STK3: variants seen among roughly 807,000 people sequenced by gnomAD.
STK3 encodes the protein serine/threonine-protein kinase 3.
In STK3, 41 loss-of-function variants were observed where a neutral mutation model predicts 58.0. The ratio of observed to expected loss-of-function variants is 0.71; its 90% CI spans 0.55 to 0.92. STK3 has a LOEUF of 0.92. Among genes scored for constraint, STK3 ranks in the 40% least tolerant of loss-of-function variants. The pLI, the probability that STK3 is intolerant of heterozygous loss-of-function variation, is 0.00. For missense variants in STK3, 479 were observed against 602.7 expected (o/e 0.79, Z 2.15); for synonymous variants, 170 against 191.0 (o/e 0.89, Z 0.91).
chr8:98,771,123 T>C (rs1587572272), intron 2 of STK3, among the ~76,000 whole-genome samples: 1 of 152,222 alleles, frequency 6.6e-6, no homozygotes, highest in Admixed American at 6.5e-5. Flanking sequence ...TTCCAAAATA[T>C]ATAGAATCTG....
chr8:98,370,517 GGT>G (rs1483597362), downstream of STK3, among the ~76,000 whole-genome samples: 1 of 152,062 alleles, frequency 6.6e-6, no homozygotes, highest in Non-Finnish European at 1.5e-5. Flanking sequence ...AGGACTGGGT[GGT>G]AGCTCCATAG....
In STK3 at chr8:98,558,788, C is replaced by T. The variant is rs555017146; in HGVS notation, c.949-10627G>A. On this transcript the variant is annotated intron_variant, in intron 8 of 10. Transcript: ENST00000419617. ...TTCTTTTTGGTTTGTTGGTAGTAAA[C>T]AGAAATTTTAATACATAAATTGTAT... 3.3e-5 allele frequency among the ~76,000 whole-genome samples: 5 copies of T among 151,802 alleles called. No individual in the cohort carries two copies. The South Asian group carries it at 6.2e-4, about 19-fold the overall frequency.
intron 6 of STK3, among the ~76,000 whole-genome samples, chr8:98,687,509 C>T (rs951842254): frequency 3.3e-5 from 5 of 152,130 alleles, no homozygotes; most frequent in African/African-American, 4.8e-5. Context: ...GTTCATGGAC[C>T]GGTACCAGTC....
At chr8:98,686,162 C>G (rs537692239) in intron 6 of STK3, among the ~76,000 whole-genome samples, 1 of 152,208 alleles carries the variant, frequency 6.6e-6, no homozygotes, top group African/African-American at 2.4e-5. Context: ...GCTGTGCTTA[C>G]TACTACTTCC....
chr8:98,357,900 A>T, the STK3 span, among the ~76,000 whole-genome samples: 1 of 152,152 alleles, frequency 6.6e-6, no homozygotes, highest in Admixed American at 6.5e-5. Context: ...AAGCATGGAA[A>T]TGTCAGATGT....
rs377739893 is a variant in STK3 at position 98,379,229 on chromosome 8, G to A, written n.57-22C>T. The A allele has an allele frequency of 2.6e-5, 4 of 152,258 alleles. No individual in the cohort carries two copies. The South Asian group carries it at 8.3e-4, about 32-fold the overall frequency. The allele number at this position is 152,258 out of a possible 1,614,324, so 9.4% of individuals were successfully genotyped here. Reference sequence around the variant, plus strand: ...GCTCCTGCAAGGAAAAATAACCTTCGTGAAAATATGTTAAACTCAAAAGTT... The same window carrying A: ...GCTCCTGCAAGGAAAAATAACCTTCATGAAAATATGTTAAACTCAAAAGTT... On this transcript the variant is annotated intron_variant and non_coding_transcript_variant, in intron 1 of 2. Transcript: ENST00000518704.
intron 1 of STK3, among the ~76,000 whole-genome samples, chr8:98,448,816 C>A (rs1326105091): frequency 6.6e-6 from 1 of 152,250 alleles, no homozygotes; most frequent in East Asian, 1.9e-4. Context: ...GTTAAAATGT[C>A]ATTTGTATCA....
intron 6 of STK3, among the ~76,000 whole-genome samples, chr8:98,684,860 T>C (rs1403658444): frequency 2.6e-5 from 4 of 152,148 alleles, no homozygotes; most frequent in African/African-American, 9.7e-5. Flanking sequence ...CACACATTTT[T>C]TAACGAAAAG....
rs759645713 is a variant in STK3, at chr8:98,547,985, T to C, written c.1125A>G (p.Glu375=). The C allele has an allele frequency of 5.7e-6, 9 of 1,590,118 alleles. No homozygotes were observed. In the Admixed American group the frequency reaches 1.7e-4, roughly 29 times the overall value. ...MVINSEDEEE[E]DGTMKRNATS... Reference sequence around the variant, plus strand: ...GCCACATACTTTTCATAGTTCCATCTTCTTCTTCCTCATCCTCACTGTTTA... The same window carrying C: ...GCCACATACTTTTCATAGTTCCATCCTCTTCTTCCTCATCCTCACTGTTTA... Residue 375 remains glutamate (E), a synonymous_variant, in exon 9 of 11, where the codon GAA becomes GAG. Coordinates refer to ENST00000419617, the MANE Select transcript of STK3 (RefSeq NM_006281.4).
At position 98,646,479 on chromosome 8, in the gene STK3, T is replaced by C. The variant is rs546265625; in HGVS notation, c.685-50310A>G. Among the ~76,000 whole-genome samples, 3 of 152,362 alleles carry C rather than the reference T, an allele frequency of 2.0e-5. No individual in the cohort carries two copies. The East Asian group carries it at 5.8e-4, about 29-fold the overall frequency. ...AGTAACTCTATTCAGAGCTAGCCTA[T>C]GCAAAAGAGAAGACAGCAGTCTTCA... On this transcript the variant is annotated intron_variant, in intron 6 of 10. Transcript: ENST00000419617.
At chr8:98,858,329 G>GAGAGAGAGAA (rs1836774792) in intron 3 of STK3, among the ~76,000 whole-genome samples, 1 of 101,798 alleles carries the variant, frequency 9.8e-6, no homozygotes, top group Non-Finnish European at 2.0e-5. Flanking sequence ...TATATAGAGA[G>GAGAGAGAGAA]AGAGAGAGAG....
intron 3 of STK3, chr8:98,427,721 G>T (rs956203550): frequency 5.8e-6 from 2 of 343,340 alleles, no homozygotes; most frequent in African/African-American, 2.1e-5. Flanking sequence ...CGCGCAAAGC[G>T]CCCACCGAGA....
downstream of STK3, among the ~76,000 whole-genome samples, chr8:98,453,973 A>T (rs1278160532): frequency 1.3e-5 from 2 of 152,158 alleles, no homozygotes; most frequent in African/African-American, 4.8e-5. Context: ...ATATATTGTA[A>T]ATTCAGTTCT....
intron 8 of STK3, among the ~76,000 whole-genome samples, chr8:98,578,984 C>T (rs1461728253): frequency 6.6e-6 from 1 of 152,120 alleles, no homozygotes; most frequent in South Asian, 2.1e-4. Flanking sequence ...AACCCCATCT[C>T]TATTAAAAAT....
chr8:98,880,477 G>A (rs957218378), downstream of STK3: 1 of 152,192 alleles, frequency 6.6e-6, no homozygotes, highest in African/African-American at 2.4e-5. Flanking sequence ...TAGGTTATTT[G>A]TGAAGTTAGA....
At chr8:98,715,584 A>G (rs1292004120) in intron 4 of STK3, among the ~76,000 whole-genome samples, 1 of 152,224 alleles carries the variant, frequency 6.6e-6, no homozygotes, top group Non-Finnish European at 1.5e-5. Context: ...ACAATGAGAT[A>G]CCATCTCACA....
chr8:98,824,293 G>T (rs909563341), intron 1 of STK3, among the ~76,000 whole-genome samples: 1 of 152,156 alleles, frequency 6.6e-6, no homozygotes, highest in African/African-American at 2.4e-5. Context: ...GACTCCTCCA[G>T]GTTCTCTAAT....
intron 3 of STK3, among the ~76,000 whole-genome samples, chr8:98,832,271 TAG>T (rs1835563346): frequency 7.0e-6 from 1 of 143,670 alleles, no homozygotes; most frequent in South Asian, 2.2e-4. Flanking sequence ...TATATATATA[TAG>T]ATATCTATAT....
At chr8:98,906,997 A>C (rs945038374) in intron 1 of STK3, among the ~76,000 whole-genome samples, 1 of 151,714 alleles carries the variant, frequency 6.6e-6, no homozygotes, top group Admixed American at 6.6e-5. Flanking sequence ...AATAAAAAAA[A>C]AAAAAAAAAA....
Sources: gnomAD v4.1 joint callset for allele counts (sites outside exome capture counted in the v4.1 genomes callset) on GRCh38, gnomAD v4.1.1 for gene constraint, MANE v1.5 for transcripts, NCBI Gene and HGNC (gene_info 2026-07-23, HGNC 2026-07-21) for gene names.